RTCA: variants seen among roughly 807,000 people sequenced by gnomAD.
The protein encoded by RTCA is RNA 3'-terminal phosphate cyclase.
Under a neutral mutation model 46.1 loss-of-function variants are expected in RTCA, and 37 were observed. That is an observed-to-expected ratio of 0.80 (90% CI 0.62 to 1.06). RTCA has a LOEUF of 1.06. Ranked by LOEUF, RTCA falls within the 50% of genes least tolerant of loss-of-function variation. The probability of loss-of-function intolerance (pLI) is 0.00; values close to 1 mark genes in which losing one functional copy is unlikely to be tolerated. For synonymous variants in RTCA, 164 were observed against 158.3 expected, an observed-to-expected ratio of 1.04 and a Z score of -0.27; for missense variants, 435 against 455.5, an observed-to-expected ratio of 0.95 and a Z score of 0.41.
At position 100,286,995 on chromosome 1, in the gene RTCA, A is replaced by G. The variant is rs1667066861; in HGVS notation, c.895-104A>G. The G allele has an allele frequency of 4.1e-6, 3 of 730,002 alleles. No individual in the cohort carries two copies. In the South Asian group the frequency reaches 8.4e-5, roughly 20 times the overall value. 45.2% of individuals were successfully genotyped at this position (730,002 alleles called of 1,614,324 possible). A position where few individuals can be genotyped will look rare whatever the true frequency, so the allele number is the denominator to read the frequency against. Reference sequence around the variant, plus strand: ...CCTAAAGAAATAGAAATTCTGTTTTAGCAATTTTTATTTCTAGTAGTATTT... The same window carrying G: ...CCTAAAGAAATAGAAATTCTGTTTTGGCAATTTTTATTTCTAGTAGTATTT... On this transcript the variant is annotated intron_variant, in intron 9 of 10. Coordinates refer to ENST00000370128, the MANE Select transcript of RTCA (RefSeq NM_003729.4).
intron 8 of RTCA, among the ~76,000 whole-genome samples, chr1:100,282,423 G>A (rs982333504): frequency 1.3e-5 from 2 of 152,116 alleles, no homozygotes; most frequent in African/African-American, 2.4e-5. Context: ...AGTCCTTCAT[G>A]CTTTATGAAA....
At chr1:100,289,509 G>T (rs1054104725) in intron 10 of RTCA, among the ~76,000 whole-genome samples, 7 of 152,084 alleles carry the variant, frequency 4.6e-5, no homozygotes, top group African/African-American at 9.7e-5. Context: ...TAAATTGTAG[G>T]AAAGACTGAT....
At chr1:100,278,363 CATGT>C (rs1479821088) in intron 8 of RTCA, among the ~76,000 whole-genome samples, 2 of 152,196 alleles carry the variant, frequency 1.3e-5, no homozygotes, top group Non-Finnish European at 2.9e-5. Context: ...TACATACATG[CATGT>C]GTTTGTTAAT....
rs778106775 is a variant in RTCA at position 100,277,335 on chromosome 1, G to T, written c.799+19G>T. The T allele has an allele frequency of 9.4e-6, 15 of 1,587,380 alleles. No homozygotes were observed. The highest frequency in any genetic ancestry group is 1.0e-5 in the Non-Finnish European group (12 of 1,164,168). ...AAACGAGGTAAGATAAATGAAGGGG[G>T]TCCATAGTTCCCAATGCTACTGCAG... On this transcript the variant is annotated intron_variant, in intron 8 of 10. Coordinates refer to ENST00000370128, the MANE Select transcript of RTCA (RefSeq NM_003729.4).
intron 10 of RTCA, among the ~76,000 whole-genome samples, chr1:100,287,952 C>T (rs1387828843): frequency 1.3e-5 from 2 of 152,096 alleles, no homozygotes; most frequent in African/African-American, 4.8e-5. Context: ...TGCCACCACA[C>T]CTGGCTAATT....
chr1:100,275,053 C>G, intron 6 of RTCA, 88 bp downstream of exon 6: 1 of 1,218,974 alleles, frequency 8.2e-7, no homozygotes, highest in African/African-American at 2.2e-5. Flanking sequence ...ATTGAGAGAA[C>G]TTAACATTTT....
At chr1:100,270,447 TTG>T in intron 3 of RTCA, 108 bp from the exon 4 acceptor site, 1 of 1,310,240 alleles carries the variant, frequency 7.6e-7, no homozygotes, top group Non-Finnish European at 1.0e-6. Flanking sequence ...GCCTTCACAG[TTG>T]TCTGTGCTTT....
At chr1:100,268,360 G>A (rs937415793) in intron 3 of RTCA, 65 bp downstream of exon 3, 2 of 1,348,254 alleles carry the variant, frequency 1.5e-6, no homozygotes, top group Non-Finnish European at 2.0e-6. Flanking sequence ...CCACTTTCTG[G>A]GCAAGTTGCT....
At chr1:100,266,488 C>T (rs545806205) in intron 1 of RTCA, 36 bp from the exon 2 acceptor site, 10 of 1,609,244 alleles carry the variant, frequency 6.2e-6, no homozygotes, top group African/African-American at 4.0e-5. Context: ...CACCGGTGTG[C>T]TTACTTCTCT....
chr1:100,268,426 AT>A, intron 3 of RTCA, 131 bp downstream of exon 3: 1 of 743,574 alleles, frequency 1.3e-6, no homozygotes, highest in Non-Finnish European at 2.1e-6. Flanking sequence ...GAGACAAGGT[AT>A]CCCTCTTGCC....
At chr1:100,273,370 A>G (rs1440254992) in intron 4 of RTCA, 24 bp from the exon 5 acceptor site, 1 of 1,490,500 alleles carries the variant, frequency 6.7e-7, no homozygotes, top group African/African-American at 1.4e-5. Flanking sequence ...TGATTAACCT[A>G]ATGATAAAAA....
chr1:100,275,307 T>C (rs1177887610), intron 6 of RTCA, among the ~76,000 whole-genome samples: 1 of 152,140 alleles, frequency 6.6e-6, no homozygotes, highest in Non-Finnish European at 1.5e-5. Flanking sequence ...GATGGGATCA[T>C]TCATATACCA....
intron 7 of RTCA, 128 bp downstream of exon 7, chr1:100,275,851 A>G (rs1002860537): frequency 2.4e-6 from 2 of 820,248 alleles, no homozygotes; most frequent in South Asian, 5.2e-5. Flanking sequence ...TTATTTATTT[A>G]TTGAGGTGGA....
chr1:100,288,288 T>A (rs1667141178), intron 10 of RTCA, among the ~76,000 whole-genome samples: 1 of 152,206 alleles, frequency 6.6e-6, no homozygotes, highest in Admixed American at 6.5e-5. Flanking sequence ...ACAACTTCAT[T>A]TCTTGCTTAT....
chr1:100,266,967 T>G (rs1473421956), intron 2 of RTCA: 6 of 337,240 alleles, frequency 1.8e-5, no homozygotes, highest in Non-Finnish European at 1.1e-5. Flanking sequence ...GAAATGCTTG[T>G]GACGCCAGAG....
intron 4 of RTCA, among the ~76,000 whole-genome samples, chr1:100,272,837 C>T (rs894244976): frequency 6.6e-6 from 1 of 152,122 alleles, no homozygotes; most frequent in Non-Finnish European, 1.5e-5. Context: ...GCATTATATA[C>T]TGTAATTATC....
At position 100,270,579 on chromosome 1, in the gene RTCA, G is replaced by T; in HGVS notation, c.313G>T (p.Val105Phe). 1 of 1,614,040 alleles carries T rather than the reference G, an allele frequency of 6.2e-7. No homozygotes were observed. Among genetic ancestry groups the T allele is most frequent in the Non-Finnish European group, 8.5e-7 (1 of 1,179,966 alleles). ...TAGGAGTGTGTGCCTCTTGATGCAGGTCTCAATGCCGTGTGTTCTCTTTGC... is the reference window on the plus strand; with the variant it reads ...TAGGAGTGTGTGCCTCTTGATGCAGTTCTCAATGCCGTGTGTTCTCTTTGC... Reference protein sequence around the residue: ...TAGSVCLLMQVSMPCVLFAAS... With the variant: ...TAGSVCLLMQFSMPCVLFAAS... Residue 105 changes from valine (V) to phenylalanine (F), a missense_variant, in exon 4 of 11, where the codon GTC becomes TTC. Transcript: ENST00000370128.
rs886833653 is a variant in RTCA at position 100,291,389 on chromosome 1, T to C, written c.1000-14T>C. On this transcript the variant is annotated splice_polypyrimidine_tract_variant and intron_variant, in intron 10 of 10. Coordinates refer to ENST00000370128, the MANE Select transcript of RTCA (RefSeq NM_003729.4). ...TCTCTTCGTATTACTTATATACTCC[T>C]CTTCTGATTTCAGGCTAAATTTATT... 1 of 1,564,898 alleles carries C rather than the reference T, an allele frequency of 6.4e-7. No individual in the cohort carries two copies. The highest frequency in any genetic ancestry group is 8.8e-7 in the Non-Finnish European group (1 of 1,139,506).
intron 8 of RTCA, chr1:100,281,162 A>AT: frequency 1.9e-6 from 1 of 525,368 alleles, no homozygotes; most frequent in Non-Finnish European, 3.9e-6. Context: ...TACTATAACC[A>AT]TTTTGATCTT....
Sources: gnomAD v4.1 joint callset for allele counts (sites outside exome capture counted in the v4.1 genomes callset) on GRCh38, gnomAD v4.1.1 for gene constraint, MANE v1.5 for transcripts, NCBI Gene and HGNC (gene_info 2026-07-23, HGNC 2026-07-21) for gene names.